KLHL1: variants seen among roughly 807,000 people sequenced by gnomAD.
KLHL1 encodes the protein kelch-like protein 1.
Under a neutral mutation model 77.7 loss-of-function variants are expected in KLHL1, and 47 were observed. The observed-to-expected ratio is 0.60, with a 90% CI of 0.48 to 0.77. KLHL1 has a LOEUF of 0.77. Among genes scored for constraint, KLHL1 ranks in the 30% least tolerant of loss-of-function variants. The pLI, the probability that KLHL1 is intolerant of heterozygous loss-of-function variation, is 0.00. For missense variants in KLHL1, 925 were observed against 910.8 expected (o/e 1.02, Z -0.20); for synonymous variants, 360 against 325.2 (o/e 1.11, Z -1.15).
chr13:70,104,599 A>G (rs934663172), intron 1 of KLHL1, among the ~76,000 whole-genome samples: 1 of 152,156 alleles, frequency 6.6e-6, no homozygotes, highest in Non-Finnish European at 1.5e-5. Context: ...GGGCCAACTC[A>G]TGTTTTATAT....
At chr13:69,710,258 T>C (rs1875815650) in intron 9 of KLHL1, among the ~76,000 whole-genome samples, 1 of 151,740 alleles carries the variant, frequency 6.6e-6, no homozygotes, top group Admixed American at 6.6e-5. Context: ...ATTTAAAAAA[T>C]ACTAACCTGC....
rs548957181 is a variant in KLHL1, at chr13:69,932,063, T to C, written c.1014+7977A>G. ...AATTGTATATTTCAAATTATTAATA[T>C]GCGAAAGTACTTATTCATCTATTCT... On this transcript the variant is annotated intron_variant, in intron 4 of 10. Transcript: ENST00000377844. Among the ~76,000 whole-genome samples the C allele has an allele frequency of 2.1e-4, 32 of 151,858 alleles. No individual in the cohort carries two copies. In the South Asian group the frequency reaches 6.0e-3, roughly 29 times the overall value.
intron 6 of KLHL1, among the ~76,000 whole-genome samples, chr13:69,823,151 T>C (rs1878406268): frequency 6.6e-6 from 1 of 152,014 alleles, no homozygotes; most frequent in African/African-American, 2.4e-5. Flanking sequence ...TAAGGCTGCA[T>C]CCATCATTTA....
chr13:69,926,031 T>G (rs1388430421), intron 4 of KLHL1, among the ~76,000 whole-genome samples: 1 of 152,248 alleles, frequency 6.6e-6, no homozygotes, highest in Non-Finnish European at 1.5e-5. Flanking sequence ...CAAGTCAGTC[T>G]ATATAGCAAG....
At chr13:69,941,643 C>T (rs1331949782) in intron 3 of KLHL1, among the ~76,000 whole-genome samples, 1 of 151,788 alleles carries the variant, frequency 6.6e-6, no homozygotes, top group Non-Finnish European at 1.5e-5. Context: ...AACAAATAAA[C>T]AAAAGCAATC....
chr13:69,867,579 C>T (rs1262448918), intron 5 of KLHL1, among the ~76,000 whole-genome samples: 1 of 151,794 alleles, frequency 6.6e-6, no homozygotes, highest in African/African-American at 2.4e-5. Context: ...CTTCAGAAAA[C>T]ATATTTTGCC....
chr13:69,752,462 C>G (rs541399302), intron 7 of KLHL1, among the ~76,000 whole-genome samples: 16 of 152,168 alleles, frequency 1.1e-4, no homozygotes, highest in African/African-American at 3.6e-4. Context: ...ATGAAAATCT[C>G]AAGGATGATT....
At chr13:69,934,576 T>A (rs1883109343) in intron 4 of KLHL1, among the ~76,000 whole-genome samples, 1 of 152,048 alleles carries the variant, frequency 6.6e-6, no homozygotes, top group South Asian at 2.1e-4. Context: ...TAAACCTTTG[T>A]CCTTACTTGT....
At chr13:70,076,286 T>A (rs2137424564) in intron 1 of KLHL1, among the ~76,000 whole-genome samples, 1 of 151,590 alleles carries the variant, frequency 6.6e-6, no homozygotes, top group South Asian at 2.1e-4. Context: ...ATAACAAACA[T>A]ATGGATCAAT....
chr13:70,099,171 A>G (rs1053578913), intron 1 of KLHL1, among the ~76,000 whole-genome samples: 3 of 151,870 alleles, frequency 2.0e-5, no homozygotes, highest in Non-Finnish European at 4.4e-5. Flanking sequence ...CAATTTAATA[A>G]TACAAATTTT....
chr13:69,845,052 C>G (rs1309149702), intron 5 of KLHL1, among the ~76,000 whole-genome samples: 1 of 151,608 alleles, frequency 6.6e-6, no homozygotes, highest in African/African-American at 2.4e-5. Context: ...GCTTCAAGAG[C>G]CTAACCTTGC....
At chr13:69,856,490 T>C (rs1306913301) in intron 5 of KLHL1, among the ~76,000 whole-genome samples, 2 of 152,038 alleles carry the variant, frequency 1.3e-5, no homozygotes, top group African/African-American at 4.8e-5. Flanking sequence ...AGGTTAATTG[T>C]TAGCTTGCAA....
rs141973704 is a variant in KLHL1 at position 69,813,481 on chromosome 13, T to TACACACACAC, written c.1415-16529_1415-16520dup. 3.7e-3 allele frequency among the ~76,000 whole-genome samples: 539 copies of TACACACACAC among 146,356 alleles called. 5 individuals carry two copies. The highest frequency in any genetic ancestry group is 0.018 in the Admixed American group (259 of 14,570). ...AAATACACACATATATACACACACA[T>TACACACACAC]ACACACACACACACACACACACATA... On this transcript the variant is annotated intron_variant, in intron 6 of 10. Coordinates refer to ENST00000377844, the MANE Select transcript of KLHL1 (RefSeq NM_020866.3).
intron 7 of KLHL1, among the ~76,000 whole-genome samples, chr13:69,781,026 A>T (rs938388343): frequency 6.6e-6 from 1 of 151,684 alleles, no homozygotes; most frequent in Non-Finnish European, 1.5e-5. Flanking sequence ...ATAATATATC[A>T]GACCAGAAGT....
intron 1 of KLHL1, among the ~76,000 whole-genome samples, chr13:70,103,397 C>T (rs1294858150): frequency 6.6e-6 from 1 of 152,022 alleles, no homozygotes; most frequent in Non-Finnish European, 1.5e-5. Context: ...AAACTGTAAT[C>T]AGCGAGTGTT....
At chr13:69,844,585 T>G (rs931813937) in intron 5 of KLHL1, among the ~76,000 whole-genome samples, 2 of 151,628 alleles carry the variant, frequency 1.3e-5, no homozygotes, top group African/African-American at 4.8e-5. Context: ...CTGTGGGGGT[T>G]AGGCCAACCA....
At chr13:69,826,494 C>T (rs1448621154) in intron 6 of KLHL1, among the ~76,000 whole-genome samples, 2 of 152,048 alleles carry the variant, frequency 1.3e-5, no homozygotes, top group Non-Finnish European at 2.9e-5. Flanking sequence ...GCAGGAGAAT[C>T]GCTTGAACCT....
chr13:69,876,479 G>A (rs1880766931), intron 5 of KLHL1, among the ~76,000 whole-genome samples: 1 of 152,112 alleles, frequency 6.6e-6, no homozygotes. Context: ...AATAGAGACA[G>A]CATCTGTCTT....
At chr13:69,732,098 G>T (rs1357135830) in intron 8 of KLHL1, among the ~76,000 whole-genome samples, 3 of 152,076 alleles carry the variant, frequency 2.0e-5, no homozygotes, top group African/African-American at 7.2e-5. Flanking sequence ...TGTAAGAAAA[G>T]TTAAAATGCA....
Sources: allele counts gnomAD v4.1 joint callset (sites outside exome capture counted in the v4.1 genomes callset), GRCh38; gene constraint gnomAD v4.1.1; transcripts MANE v1.5; gene names NCBI Gene and HGNC (gene_info 2026-07-23, HGNC 2026-07-21).